GALNT13: variants seen among roughly 807,000 people sequenced by gnomAD.
GALNT13 encodes the protein polypeptide N-acetylgalactosaminyltransferase 13.
GALNT13 carries 28 observed loss-of-function variants against 64.2 expected under a neutral mutation model. The observed-to-expected ratio is 0.44, with a 90% CI of 0.32 to 0.60. The LOEUF is 0.60. Among genes scored for constraint, GALNT13 ranks in the 20% least tolerant of loss-of-function variants. The probability of loss-of-function intolerance (pLI) is 0.05; values close to 1 mark genes in which losing one functional copy is unlikely to be tolerated. For missense variants in GALNT13, 577 were observed against 669.8 expected (o/e 0.86, Z 1.53); for synonymous variants, 214 against 224.6 (o/e 0.95, Z 0.42).
rs187728921 is a variant in GALNT13 at position 153,980,311 on chromosome 2, G to A, written c.142+35672G>A. Among the ~76,000 whole-genome samples, 344 of 152,174 alleles carry A rather than the reference G, an allele frequency of 2.3e-3. 3 individuals carry two copies. The highest frequency in any genetic ancestry group is 7.4e-3 in the African/African-American group (306 of 41,530). On this transcript the variant is annotated intron_variant, in intron 3 of 12. Transcript: ENST00000392825. ...ACTAGGGTCAGATATGCACTAAAAA[G>A]GATTACTAATTGCTATGTGAAAAAA...
intron 12 of GALNT13, among the ~76,000 whole-genome samples, chr2:154,448,148 G>T (rs1701688371): frequency 6.6e-6 from 1 of 152,000 alleles, no homozygotes; most frequent in South Asian, 2.1e-4. Flanking sequence ...CTAGCTTCCA[G>T]GAACCAAATA....
At chr2:153,368,017 CAGAG>C in the GALNT13 span, among the ~76,000 whole-genome samples, 4 of 151,848 alleles carry the variant, frequency 2.6e-5, no homozygotes, top group Admixed American at 2.6e-4. Context: ...TAAAGATTGT[CAGAG>C]AGAAAAGCAA....
the GALNT13 span, among the ~76,000 whole-genome samples, chr2:153,828,591 C>T: frequency 6.6e-6 from 1 of 152,126 alleles, no homozygotes; most frequent in African/African-American, 2.4e-5. Context: ...TGAACCTGGC[C>T]AATAAAACCA....
chr2:153,409,982 T>C, the GALNT13 span, among the ~76,000 whole-genome samples: 2 of 151,960 alleles, frequency 1.3e-5, no homozygotes, highest in African/African-American at 4.8e-5. Flanking sequence ...TAGGACAGAG[T>C]GAAAGATTAT....
At chr2:153,210,099 A>G in the GALNT13 span, among the ~76,000 whole-genome samples, 3 of 152,222 alleles carry the variant, frequency 2.0e-5, no homozygotes, top group East Asian at 5.8e-4. Flanking sequence ...GTGGTTTTCT[A>G]TGTAGATGAT....
intron 3 of GALNT13, among the ~76,000 whole-genome samples, chr2:154,131,120 A>C (rs534226455): frequency 2.6e-5 from 4 of 152,318 alleles, no homozygotes; most frequent in Admixed American, 6.5e-5. Context: ...CTCATTCTTA[A>C]TACAGAAGAA....
chr2:153,547,136 T>A, the GALNT13 span, among the ~76,000 whole-genome samples: 1 of 152,208 alleles, frequency 6.6e-6, no homozygotes, highest in Non-Finnish European at 1.5e-5. Flanking sequence ...GAAAAATACA[T>A]CTTAACTTTT....
At chr2:153,898,009 T>C (rs899471241) in intron 1 of GALNT13, among the ~76,000 whole-genome samples, 2 of 152,092 alleles carry the variant, frequency 1.3e-5, no homozygotes, top group African/African-American at 4.8e-5. Context: ...AGAATAGTTT[T>C]TCAGAATTTT....
chr2:153,795,848 G>A, the GALNT13 span, among the ~76,000 whole-genome samples: 72 of 152,132 alleles, frequency 4.7e-4, no homozygotes, highest in African/African-American at 1.7e-3. Flanking sequence ...ACGAACACAC[G>A]CAGTCAATTC....
chr2:153,963,300 G>A (rs1452309386), intron 3 of GALNT13, among the ~76,000 whole-genome samples: 1 of 152,180 alleles, frequency 6.6e-6, no homozygotes, highest in East Asian at 1.9e-4. Context: ...TATGGATGGA[G>A]TACAATTATC....
chr2:153,823,183 A>G, the GALNT13 span, among the ~76,000 whole-genome samples: 1 of 152,376 alleles, frequency 6.6e-6, no homozygotes, highest in Admixed American at 6.5e-5. Flanking sequence ...CAGTGTCTTT[A>G]AAATAGCCAT....
the GALNT13 span, among the ~76,000 whole-genome samples, chr2:153,410,007 A>G: frequency 5.9e-5 from 9 of 152,232 alleles, no homozygotes; most frequent in Admixed American, 5.9e-4. Context: ...AAAATTCAGA[A>G]TCAAACCAGT....
chr2:154,139,342 A>G (rs1020114210), intron 3 of GALNT13, among the ~76,000 whole-genome samples: 1 of 151,004 alleles, frequency 6.6e-6, no homozygotes, highest in Non-Finnish European at 1.5e-5. Flanking sequence ...TATGCATTAT[A>G]GTCCTTATTT....
intron 10 of GALNT13, among the ~76,000 whole-genome samples, 197 bp downstream of exon 10, chr2:154,396,327 T>A (rs967435743): frequency 4.6e-5 from 7 of 152,052 alleles, no homozygotes; most frequent in Admixed American, 2.0e-4. Flanking sequence ...AATTTTAACA[T>A]TGAACAAAAA....
chr2:153,755,883 T>C, the GALNT13 span, among the ~76,000 whole-genome samples: 2 of 152,154 alleles, frequency 1.3e-5, no homozygotes, highest in Non-Finnish European at 2.9e-5. Context: ...CAAAAAGTAA[T>C]GGACATTTTC....
chr2:154,028,755 C>T (rs902230884), intron 3 of GALNT13, among the ~76,000 whole-genome samples: 5 of 152,072 alleles, frequency 3.3e-5, no homozygotes, highest in South Asian at 2.1e-4. Context: ...ATATATGATA[C>T]AACATATGAA....
At chr2:153,628,983 T>A in the GALNT13 span, among the ~76,000 whole-genome samples, 46 of 152,276 alleles carry the variant, frequency 3.0e-4, no homozygotes, top group African/African-American at 1.0e-3. Context: ...TCCTGGACTC[T>A]TTTTGGTTGG....
At chr2:153,727,479 A>G in the GALNT13 span, among the ~76,000 whole-genome samples, 1 of 152,166 alleles carries the variant, frequency 6.6e-6, no homozygotes, top group Non-Finnish European at 1.5e-5. Flanking sequence ...TAGAATTGGA[A>G]TGAAGTAGAT....
the GALNT13 span, among the ~76,000 whole-genome samples, chr2:153,411,159 A>G: frequency 9.8e-6 from 1 of 102,382 alleles, no homozygotes; most frequent in Non-Finnish European, 2.0e-5. Flanking sequence ...CATGGCATAT[A>G]TGTATATATA....
Sources: gnomAD v4.1 joint callset for allele counts (sites outside exome capture counted in the v4.1 genomes callset) on GRCh38, gnomAD v4.1.1 for gene constraint, MANE v1.5 for transcripts, NCBI Gene and HGNC (gene_info 2026-07-23, HGNC 2026-07-21) for gene names.